Variants in RANBP2 observed in about 807,000 individuals in gnomAD.
The protein encoded by RANBP2 is E3 SUMO-protein ligase RanBP2.
RANBP2 carries 57 observed loss-of-function variants against 303.6 expected under a neutral mutation model. That is an observed-to-expected ratio of 0.19 (90% CI 0.15 to 0.23). The LOEUF (loss-of-function observed/expected upper bound fraction) is 0.23. RANBP2 is among the 10% of genes least tolerant of loss of function. The pLI is 1.00. For synonymous variants in RANBP2, 1,167 were observed against 1,301.5 expected (o/e 0.90, Z 2.23); for missense variants, 3,138 against 3,780.8 (o/e 0.83, Z 4.46).
the RANBP2 span, among the ~76,000 whole-genome samples, chr2:109,299,096 C>T: frequency 6.6e-6 from 1 of 152,162 alleles, no homozygotes; most frequent in Non-Finnish European, 1.5e-5. Flanking sequence ...TGGGCAGGCT[C>T]CCCCAGGGCA....
the RANBP2 span, among the ~76,000 whole-genome samples, chr2:109,689,290 C>T: frequency 1.3e-5 from 2 of 152,148 alleles, no homozygotes; most frequent in Admixed American, 6.6e-5. Flanking sequence ...TGCAGACAGG[C>T]TTTTGGAAAG....
the RANBP2 span, among the ~76,000 whole-genome samples, chr2:108,955,488 C>T: frequency 6.6e-6 from 1 of 152,158 alleles, no homozygotes; most frequent in Admixed American, 6.5e-5. Context: ...TGGCTCACAC[C>T]TGTAATCCTA....
At chr2:109,172,736 G>A in the RANBP2 span, among the ~76,000 whole-genome samples, 10 of 152,206 alleles carry the variant, frequency 6.6e-5, no homozygotes, top group Admixed American at 3.3e-4. Context: ...AGCTCTGGCA[G>A]GGATGCTGGA....
At chr2:109,585,630 A>G in the RANBP2 span, 31 of 898,052 alleles carry the variant, frequency 3.5e-5, no homozygotes, top group Non-Finnish European at 5.4e-5. Flanking sequence ...TTTCAAATTG[A>G]TAACATGAGC....
At chr2:109,041,525 ATTT>A in the RANBP2 span, among the ~76,000 whole-genome samples, 1,013 of 142,038 alleles carry the variant, frequency 7.1e-3, 6 homozygotes, top group East Asian at 0.037. Context: ...ACGGATGTTA[ATTT>A]TTTTTTTTTT....
At chr2:108,897,044 C>T in the RANBP2 span, 4 of 1,614,150 alleles carry the variant, frequency 2.5e-6, no homozygotes, top group Non-Finnish European at 3.4e-6. Flanking sequence ...CTGTAGCCTG[C>T]CGTGCTGATG....
chr2:109,353,662 T>C, the RANBP2 span, among the ~76,000 whole-genome samples: 10 of 152,300 alleles, frequency 6.6e-5, no homozygotes, highest in East Asian at 1.9e-3. Flanking sequence ...TCCTTCACTC[T>C]TCAGATGTTT....
chr2:109,052,939 T>C, the RANBP2 span, among the ~76,000 whole-genome samples: 1 of 152,264 alleles, frequency 6.6e-6, no homozygotes, highest in Non-Finnish European at 1.5e-5. Context: ...TGTTTGTCCT[T>C]AAGCCAACCA....
the RANBP2 span, among the ~76,000 whole-genome samples, chr2:109,201,691 A>G: frequency 6.6e-6 from 1 of 152,202 alleles, no homozygotes; most frequent in African/African-American, 2.4e-5. Flanking sequence ...CGTCAGCAGC[A>G]TGGGAAACGC....
the RANBP2 span, among the ~76,000 whole-genome samples, chr2:108,822,471 ACACT>A: frequency 6.6e-6 from 1 of 152,194 alleles, no homozygotes; most frequent in Non-Finnish European, 1.5e-5. Flanking sequence ...CATATACAGA[ACACT>A]CTACCCAACA....
chr2:109,766,264 C>T, the RANBP2 span, among the ~76,000 whole-genome samples: 12 of 151,158 alleles, frequency 7.9e-5, no homozygotes, highest in Non-Finnish European at 1.2e-4. Context: ...AGGGGCTGCT[C>T]ATCAGCCTGG....
the RANBP2 span, among the ~76,000 whole-genome samples, chr2:109,319,555 G>A: frequency 6.6e-6 from 1 of 152,256 alleles, no homozygotes; most frequent in Admixed American, 6.5e-5. Context: ...GGGGCTCACA[G>A]GGCTGAAAAC....
intron 1 of RANBP2, among the ~76,000 whole-genome samples, chr2:108,720,947 G>C (rs826540): frequency 0.26 from 39,322 of 152,058 alleles, 5,443 homozygotes; most frequent in African/African-American, 0.35. Flanking sequence ...TACCCGGGAG[G>C]CTGAGGCAGG....
chr2:108,767,491 G>C lies in RANBP2; in HGVS notation c.6952G>C (p.Asp2318His). 1 of 1,611,890 alleles carries C rather than the reference G, an allele frequency of 6.2e-7. No homozygotes were observed. The highest frequency in any genetic ancestry group is 2.3e-4 in the Middle Eastern group (1 of 4,430). Residue 2318 changes from aspartate (D) to histidine (H), a missense_variant, in exon 20 of 29, where the codon GAT (aspartate) becomes CAT (histidine). Physicochemically the swap from Asp to His is moderately conservative, Grantham distance 81 (BLOSUM62 -1). This residue lies in a region of RANBP2 where 92 missense variants were observed against 211.0 expected (regional missense o/e 0.44). Transcript: ENST00000283195. ...CTTTGAACCTGTTGTTCCTTTACCT[G>C]ATCTAGTTGAAGTATCCAGTGGTGA... ...QYFEPVVPLP[D>H]LVEVSSGEEN... is the part of the protein sequence containing the mutation.
chr2:109,256,405 C>G, the RANBP2 span, among the ~76,000 whole-genome samples: 1 of 152,156 alleles, frequency 6.6e-6, no homozygotes, highest in Non-Finnish European at 1.5e-5. Flanking sequence ...GATGTCCTCC[C>G]CTGCAAGGAA....
chr2:108,846,986 T>C, the RANBP2 span: 1 of 939,360 alleles, frequency 1.1e-6, no homozygotes. Context: ...GAATATCATA[T>C]ATTAAAGCAA....
chr2:109,443,540 C>G, the RANBP2 span, among the ~76,000 whole-genome samples: 2 of 152,138 alleles, frequency 1.3e-5, no homozygotes, highest in Non-Finnish European at 2.9e-5. Context: ...TTTGCAAATA[C>G]AGAATCTGCC....
chr2:109,106,663 C>T, the RANBP2 span, among the ~76,000 whole-genome samples: 14 of 151,942 alleles, frequency 9.2e-5, no homozygotes, highest in Non-Finnish European at 1.3e-4. Context: ...GGTGAAACCC[C>T]GTCTCTACCA....
chr2:108,901,083 A>G, the RANBP2 span, among the ~76,000 whole-genome samples: 1 of 152,256 alleles, frequency 6.6e-6, no homozygotes. Flanking sequence ...ACAGCAGAAT[A>G]CACATTGTTC....
Sources: allele counts gnomAD v4.1 joint callset (sites outside exome capture counted in the v4.1 genomes callset), GRCh38; gene constraint gnomAD v4.1.1; regional missense constraint gnomAD v4.1.1; transcripts MANE v1.5; gene names NCBI Gene and HGNC (gene_info 2026-07-23, HGNC 2026-07-21).